CACNA2D3: variants seen among roughly 807,000 people sequenced by gnomAD.
CACNA2D3 encodes the protein voltage-dependent calcium channel subunit alpha-2/delta-3.
In CACNA2D3, 60 loss-of-function variants were observed where a neutral mutation model predicts 160.6. The observed-to-expected ratio is 0.37, with a 90% CI of 0.30 to 0.46. The LOEUF (loss-of-function observed/expected upper bound fraction) is 0.46, where lower values mean the gene tolerates loss of function less well. Ranked by LOEUF, CACNA2D3 falls within the 20% of genes least tolerant of loss-of-function variation. The pLI is 1.00. For missense variants in CACNA2D3, 1,205 were observed against 1,365.0 expected, an observed-to-expected ratio of 0.88 and a Z score of 1.85; for synonymous variants, 558 against 492.9, an observed-to-expected ratio of 1.13 and a Z score of -1.75.
intron 14 of CACNA2D3, among the ~76,000 whole-genome samples, chr3:54,823,009 C>T (rs1360269803): frequency 6.6e-6 from 1 of 151,602 alleles, no homozygotes; most frequent in Non-Finnish European, 1.5e-5. Context: ...CACCTGCCAC[C>T]ACACCCAGCT....
intron 24 of CACNA2D3, among the ~76,000 whole-genome samples, chr3:54,890,795 G>C (rs1700046920): frequency 6.6e-6 from 1 of 152,308 alleles, no homozygotes; most frequent in African/African-American, 2.4e-5. Flanking sequence ...CCTGTGGTCT[G>C]GTAGAAGTGA....
chr3:54,447,579 A>C (rs1575459940), intron 4 of CACNA2D3, among the ~76,000 whole-genome samples: 1 of 152,132 alleles, frequency 6.6e-6, no homozygotes, highest in African/African-American at 2.4e-5. Flanking sequence ...GTTTATTTAG[A>C]TTCTTGTTGG....
intron 2 of CACNA2D3, among the ~76,000 whole-genome samples, chr3:54,140,977 A>G (rs546858579): frequency 5.9e-5 from 9 of 152,204 alleles, no homozygotes; most frequent in South Asian, 2.1e-4. Context: ...AGCCATGACT[A>G]TAAGCTAGTG....
At chr3:54,777,747 C>G (rs1369311304) in intron 13 of CACNA2D3, among the ~76,000 whole-genome samples, 1 of 152,098 alleles carries the variant, frequency 6.6e-6, no homozygotes, top group Non-Finnish European at 1.5e-5. Context: ...AAAGAGCCTT[C>G]CTTTGAGGAA....
chr3:54,270,000 C>T (rs1388244858), intron 2 of CACNA2D3, among the ~76,000 whole-genome samples: 1 of 152,180 alleles, frequency 6.6e-6, no homozygotes, highest in Non-Finnish European at 1.5e-5. Context: ...TAAAAGCATT[C>T]CTTGGCTTGT....
intron 2 of CACNA2D3, among the ~76,000 whole-genome samples, chr3:54,215,879 C>CT (rs1414214956): frequency 9.2e-5 from 12 of 131,050 alleles, no homozygotes; most frequent in Non-Finnish European, 2.0e-4. Flanking sequence ...GTTTTCTTTT[C>CT]TTTTCTTTTT....
rs74860108 is a variant in CACNA2D3 at position 54,941,077 on chromosome 3, G to A, written c.2450-27373G>A. Among the ~76,000 whole-genome samples, 15 of 152,304 alleles carry A rather than the reference G, an allele frequency of 9.8e-5. 1 individual carries two copies. In the East Asian group the frequency reaches 2.9e-3, roughly 29 times the overall value. On this transcript the variant is annotated intron_variant, in intron 27 of 37. Transcript: ENST00000474759. Reference sequence around the variant, plus strand: ...TTAAAGCAAATCAAACACTGGACTAGGGGAGGTTTTCCATGGTACGAGTAA... The same window carrying A: ...TTAAAGCAAATCAAACACTGGACTAAGGGAGGTTTTCCATGGTACGAGTAA...
chr3:54,584,094 G>A (rs898082782), intron 9 of CACNA2D3, among the ~76,000 whole-genome samples: 1 of 151,918 alleles, frequency 6.6e-6, no homozygotes, highest in South Asian at 2.1e-4. Flanking sequence ...TTCTCCTACC[G>A]AGAATGACTG....
intron 5 of CACNA2D3, among the ~76,000 whole-genome samples, chr3:54,553,336 A>G (rs1169509373): frequency 6.6e-6 from 1 of 152,244 alleles, no homozygotes; most frequent in Non-Finnish European, 1.5e-5. Flanking sequence ...AATGGGAGAC[A>G]TGAAAACTAT....
chr3:54,404,387 G>A (rs751971649), intron 4 of CACNA2D3, among the ~76,000 whole-genome samples: 10 of 152,116 alleles, frequency 6.6e-5, no homozygotes, highest in Non-Finnish European at 1.3e-4. Context: ...AAAACCACAC[G>A]ATCATATAAA....
At chr3:54,368,556 G>GA (rs1698865725) in intron 3 of CACNA2D3, among the ~76,000 whole-genome samples, 1 of 151,962 alleles carries the variant, frequency 6.6e-6, no homozygotes, top group African/African-American at 2.4e-5. Context: ...GAGAGGGAGA[G>GA]AAAACCCAGG....
At chr3:54,163,532 C>T (rs375287219) in intron 2 of CACNA2D3, among the ~76,000 whole-genome samples, 3 of 152,132 alleles carry the variant, frequency 2.0e-5, no homozygotes, top group Admixed American at 6.5e-5. Context: ...ACTTCCTGCT[C>T]GCGTTTCATT....
intron 6 of CACNA2D3, among the ~76,000 whole-genome samples, chr3:54,567,790 A>T (rs1454804908): frequency 6.6e-6 from 1 of 152,186 alleles, no homozygotes; most frequent in Non-Finnish European, 1.5e-5. Context: ...TTGGCCTCCC[A>T]AAGTGTTGGG....
chr3:54,282,045 A>G (rs1481390502), intron 2 of CACNA2D3, among the ~76,000 whole-genome samples: 1 of 152,270 alleles, frequency 6.6e-6, no homozygotes, highest in Non-Finnish European at 1.5e-5. Context: ...CAGTGATGAC[A>G]ACAAAGTGTA....
chr3:54,853,518 C>G (rs1358120746), intron 17 of CACNA2D3, among the ~76,000 whole-genome samples: 1 of 152,146 alleles, frequency 6.6e-6, no homozygotes, highest in Non-Finnish European at 1.5e-5. Context: ...CCCTCCCTAT[C>G]CCCTCCTGCT....
rs573947713 is a variant in CACNA2D3, at chr3:54,610,842, T to A, written c.964-16945T>A. The stretch of plus-strand genomic sequence containing the variant: ...TGGGGTTTCACCATGTTGGCCAGGC[T>A]GGTCTCGAACTCCTGACCTCAGGTG... On this transcript the variant is annotated intron_variant, in intron 9 of 37. Transcript: ENST00000474759. Among the ~76,000 whole-genome samples the A allele has an allele frequency of 1.4e-3, 209 of 152,300 alleles. 2 individuals carry two copies. Among genetic ancestry groups the A allele is most frequent in the Middle Eastern group, 6.8e-3 (2 of 294 alleles).
intron 5 of CACNA2D3, among the ~76,000 whole-genome samples, chr3:54,558,792 A>G (rs1446925436): frequency 6.6e-6 from 1 of 152,078 alleles, no homozygotes; most frequent in Admixed American, 6.5e-5. Context: ...GTGTGTGTGT[A>G]TAGGTTGGGT....
intron 2 of CACNA2D3, among the ~76,000 whole-genome samples, chr3:54,251,088 AG>A (rs1242259333): frequency 6.6e-6 from 1 of 152,188 alleles, no homozygotes; most frequent in Non-Finnish European, 1.5e-5. Context: ...GAGAGTGGTC[AG>A]GGGTTATGTA....
At chr3:54,759,267 T>A (rs1275846628) in intron 12 of CACNA2D3, among the ~76,000 whole-genome samples, 1 of 151,544 alleles carries the variant, frequency 6.6e-6, no homozygotes, top group East Asian at 1.9e-4. Flanking sequence ...ATATATGAGG[T>A]CCAAAAAAGC....
Sources: allele counts gnomAD v4.1 joint callset (sites outside exome capture counted in the v4.1 genomes callset), GRCh38; gene constraint gnomAD v4.1.1; transcripts MANE v1.5; gene names NCBI Gene and HGNC (gene_info 2026-07-23, HGNC 2026-07-21).